Variants in AHCTF1 observed in about 807,000 individuals in gnomAD.
The protein encoded by AHCTF1 is protein ELYS.
A neutral mutation model predicts 248.4 loss-of-function variants in AHCTF1; 24 were observed. The ratio of observed to expected loss-of-function variants is 0.10; its 90% CI spans 0.07 to 0.14. AHCTF1 has a LOEUF of 0.14. Among genes scored for constraint, AHCTF1 ranks in the 10% least tolerant of loss-of-function variants. The probability of loss-of-function intolerance (pLI) is 1.00; values close to 1 mark genes in which losing one functional copy is unlikely to be tolerated. For missense variants in AHCTF1, 2,206 were observed against 2,636.2 expected (o/e 0.84, Z 3.57); for synonymous variants, 786 against 929.8 (o/e 0.85, Z 2.81).
intron 1 of AHCTF1, among the ~76,000 whole-genome samples, chr1:246,926,929 C>T (rs922658071): frequency 1.3e-5 from 2 of 152,134 alleles, no homozygotes; most frequent in Admixed American, 1.3e-4. Flanking sequence ...AATCCCAGCA[C>T]TTTGGGAGGC....
chr1:246,853,075 A>C lies in AHCTF1; in HGVS notation c.4563+16T>G. The C allele has an allele frequency of 1.3e-6, 2 of 1,595,426 alleles. No individual in the cohort carries two copies. Among genetic ancestry groups the C allele is most frequent in the Middle Eastern group, 1.7e-4 (1 of 5,980 alleles). ...CTGAAAGACTGATAAAGAAGTAAAA[A>C]ATTAATTTTTTTTACATGAATTTCT... is the stretch of plus-strand genomic sequence containing the variant. On this transcript the variant is annotated intron_variant, in intron 32 of 35. Coordinates refer to ENST00000648844, the MANE Select transcript of AHCTF1 (RefSeq NM_001323342.2).
rs773886776 is a variant in AHCTF1 at position 246,876,174 on chromosome 1, G to C, written c.2951C>G (p.Pro984Arg). Residue 984 changes from proline to arginine, a missense_variant, in exon 24 of 36, where the codon CCT becomes CGT. This residue lies in a region of AHCTF1 where 955 missense variants were observed against 1,055.6 expected (regional missense o/e 0.90). Coordinates refer to ENST00000648844, the MANE Select transcript of AHCTF1 (RefSeq NM_001323342.2). ...LKINVMNDRDPRLRERSLARN... is the reference protein window; with the variant it reads ...LKINVMNDRDRRLRERSLARN... The stretch of plus-strand genomic sequence containing the variant: ...AGCCAGTGATCTCTCCCGCAAACGA[G>C]GATCACGATCATTCTATTAAACATC... The C allele has an allele frequency of 1.1e-5, 18 of 1,593,276 alleles. No homozygotes were observed. Among genetic ancestry groups the C allele is most frequent in the Non-Finnish European group, 1.5e-5 (17 of 1,168,320 alleles).
At position 246,902,776 on chromosome 1, in the gene AHCTF1, A is replaced by C. The variant is rs151129973; in HGVS notation, c.967-101T>G. On this transcript the variant is annotated intron_variant, in intron 7 of 35. Transcript: ENST00000648844. ...TTTAAAGATTGTTCACACAATACAAAGAAAACAATTTAGACTGAAGAGAAC... is the reference window on the plus strand; with the variant it reads ...TTTAAAGATTGTTCACACAATACAACGAAAACAATTTAGACTGAAGAGAAC... 2.4e-4 allele frequency: 289 copies of C among 1,191,008 alleles called. 1 individual carries two copies. The African/African-American group carries it at 4.1e-3, about 17-fold the overall frequency. The allele number at this position is 1,191,008 out of a possible 1,614,324, so 73.8% of individuals were successfully genotyped here. A position where few individuals can be genotyped will look rare whatever the true frequency, so the allele number is the denominator to read the frequency against.
At chr1:246,885,850 G>C (rs1359996398) in intron 20 of AHCTF1, among the ~76,000 whole-genome samples, 170 bp from the exon 21 acceptor site, 1 of 152,146 alleles carries the variant, frequency 6.6e-6, no homozygotes, top group Non-Finnish European at 1.5e-5. Flanking sequence ...AGTATCTACA[G>C]GATCCATATC....
intron 26 of AHCTF1, chr1:246,865,328 G>A (rs1411575475): frequency 1.3e-5 from 2 of 152,090 alleles, no homozygotes. Context: ...TACCTTCCTT[G>A]TCATTCTATC....
chr1:246,899,117 C>CT (rs571885337), intron 11 of AHCTF1, among the ~76,000 whole-genome samples: 33 of 148,036 alleles, frequency 2.2e-4, no homozygotes, highest in Middle Eastern at 3.5e-3. Context: ...TTTCAAAATT[C>CT]TTTTTTTTTT....
At chr1:246,860,863 A>G (rs771762552) in intron 29 of AHCTF1, 36 bp downstream of exon 29, 2 of 1,581,834 alleles carry the variant, frequency 1.3e-6, no homozygotes, top group Non-Finnish European at 1.7e-6. Flanking sequence ...GAGGGACATT[A>G]ATAACAATTT....
chr1:246,867,901 C>G (rs368941568), intron 24 of AHCTF1, 90 bp from the exon 25 acceptor site: 3 of 313,838 alleles, frequency 9.6e-6, no homozygotes, highest in South Asian at 8.8e-5. Flanking sequence ...ACCCCCCCCC[C>G]CACACACACA....
In AHCTF1 at chr1:246,850,625, C is replaced by T. The variant is rs549550920; in HGVS notation, c.5381G>A (p.Arg1794Lys). 139 of 1,613,756 alleles carry T rather than the reference C, an allele frequency of 8.6e-5. No individual in the cohort carries two copies. The South Asian group carries it at 1.4e-3, about 17-fold the overall frequency. The change falls in exon 33 of 36, where the codon AGA (arginine) becomes AAA (lysine). Residue 1794 changes from arginine (R) to lysine (K), a missense_variant. Physicochemically the swap from Arg to Lys is conservative, Grantham distance 26. This residue lies in a region of AHCTF1 where 955 missense variants were observed against 1,055.6 expected (regional missense o/e 0.90). Coordinates refer to ENST00000648844, the MANE Select transcript of AHCTF1 (RefSeq NM_001323342.2). ...TATTTGCTGGTTCTGAGATAGTCCTCTGACATCAGAATAGATGTTTTCAGA... is the reference window on the plus strand; with the variant it reads ...TATTTGCTGGTTCTGAGATAGTCCTTTGACATCAGAATAGATGTTTTCAGA... ...EASENIYSDV[R>K]GLSQNQQIPQ...
chr1:246,918,268 G>A lies in AHCTF1; in HGVS notation c.103C>T (p.Arg35Cys), dbSNP rs1307075702. 4 of 1,607,190 alleles carry A rather than the reference G, an allele frequency of 2.5e-6. No homozygotes were observed. The highest frequency in any genetic ancestry group is 1.3e-5 in the African/African-American group (1 of 74,864). Reference sequence around the variant, plus strand: ...TGTTTACCTGCAGCAAACTTTCCACGAAGCACAGATTCTAATGTTATTTCG... The same window carrying A: ...TGTTTACCTGCAGCAAACTTTCCACAAAGCACAGATTCTAATGTTATTTCG... ...EDEITLESVL[R>C]GKFAAGKNGL... Residue 35 changes from arginine (R) to cysteine (C), a missense_variant, in exon 2 of 36, where the codon CGT becomes TGT. Coordinates refer to ENST00000648844, the MANE Select transcript of AHCTF1 (RefSeq NM_001323342.2).
intron 3 of AHCTF1, 141 bp downstream of exon 3, chr1:246,916,001 C>A (rs1572462386): frequency 1.0e-6 from 1 of 987,594 alleles, no homozygotes; most frequent in East Asian, 2.7e-5. Flanking sequence ...AACACTTTAC[C>A]TAAGAGTAAC....
At chr1:246,921,326 G>C (rs928722379) in intron 1 of AHCTF1, among the ~76,000 whole-genome samples, 6 of 152,154 alleles carry the variant, frequency 3.9e-5, no homozygotes, top group Non-Finnish European at 7.4e-5. Context: ...TCTTTCTCTA[G>C]AACTTGGTGC....
At chr1:246,882,474 T>C (rs971281349) in intron 21 of AHCTF1, among the ~76,000 whole-genome samples, 1 of 151,952 alleles carries the variant, frequency 6.6e-6, no homozygotes, top group African/African-American at 2.4e-5. Context: ...GTAATGAAAA[T>C]TTAAAGATAC....
At position 246,911,790 on chromosome 1, in the gene AHCTF1, TTAAGA is replaced by T. The variant is rs543694000; in HGVS notation, c.556+1437_556+1441del. On this transcript the variant is annotated intron_variant, in intron 4 of 35. Coordinates refer to ENST00000648844, the MANE Select transcript of AHCTF1 (RefSeq NM_001323342.2). ...TGAGCCACGGCGCCCAGCTCTTCTA[TTAAGA>T]TATTTTAAAGTGCATGTATGACCAT... Among the ~76,000 whole-genome samples, 537 of 152,294 alleles carry T rather than the reference TTAAGA, an allele frequency of 3.5e-3. 2 individuals carry two copies. The highest frequency in any genetic ancestry group is 0.012 in the African/African-American group (479 of 41,574).
rs1660637673 is a variant in AHCTF1, at chr1:246,850,659, A to C, written c.5347T>G (p.Ser1783Ala). 2 of 1,613,794 alleles carry C rather than the reference A, an allele frequency of 1.2e-6. No homozygotes were observed. Among genetic ancestry groups the C allele is most frequent in the Non-Finnish European group, 1.7e-6 (2 of 1,179,864 alleles). ...GAATAGATGTTTTCAGAAGCTTCAGAAATTTCTTTTGCCTTCCTAGTTTTC... is the reference window on the plus strand; with the variant it reads ...GAATAGATGTTTTCAGAAGCTTCAGCAATTTCTTTTGCCTTCCTAGTTTTC... Reference protein sequence around the residue: ...RKKTRKAKEISEASENIYSDV... With the variant: ...RKKTRKAKEIAEASENIYSDV... Residue 1783 changes from serine to alanine, a missense_variant, in exon 33 of 36, where the codon TCT becomes GCT. Around this residue, in one of 6 missense-constraint regions of AHCTF1, gnomAD observed 955 missense variants for 1,055.6 expected, o/e 0.90. Coordinates refer to ENST00000648844, the MANE Select transcript of AHCTF1 (RefSeq NM_001323342.2).
chr1:246,866,219 T>C (rs1558227831), intron 26 of AHCTF1, among the ~76,000 whole-genome samples: 2 of 152,152 alleles, frequency 1.3e-5, no homozygotes, highest in Admixed American at 6.5e-5. Context: ...AATACTTCTT[T>C]AAGGGCCTCA....
At chr1:246,901,742 CAGA>C (rs770611406) in intron 8 of AHCTF1, among the ~76,000 whole-genome samples, 3 of 152,142 alleles carry the variant, frequency 2.0e-5, no homozygotes, top group Non-Finnish European at 2.9e-5. Context: ...TGGTTGAGCC[CAGA>C]AGGTCAAGGC....
chr1:246,903,769 C>T (rs1431330742), intron 7 of AHCTF1, among the ~76,000 whole-genome samples, 180 bp downstream of exon 7: 5 of 145,656 alleles, frequency 3.4e-5, no homozygotes, highest in African/African-American at 7.7e-5. Flanking sequence ...ATCCGGGTGG[C>T]GGAGGTTGCA....
Position 246,898,276 on chromosome 1 carries a change from T to C in AHCTF1, c.1555A>G (p.Asn519Asp). ...SLNELIPDGY[N>D]RCLVAGLLSP... ...AGAAGGCCAGCTACAAGACATCGAT[T>C]ATAACCATCAGGAATGAGTTCATTG... The change falls in exon 12 of 36, where the codon AAT (asparagine) becomes GAT (aspartate). Residue 519 changes from asparagine to aspartate, a missense_variant. By Grantham distance (23) the Asn-to-Asp change is conservative (BLOSUM62 1). Around this residue, in one of 6 missense-constraint regions of AHCTF1, gnomAD observed 650 missense variants for 870.8 expected, o/e 0.75. Coordinates refer to ENST00000648844, the MANE Select transcript of AHCTF1 (RefSeq NM_001323342.2). 7 of 1,612,898 alleles carry C rather than the reference T, an allele frequency of 4.3e-6. No individual in the cohort carries two copies. The highest frequency in any genetic ancestry group is 2.2e-5 in the South Asian group (2 of 91,036).
Sources: gnomAD v4.1 joint callset for allele counts (sites outside exome capture counted in the v4.1 genomes callset) on GRCh38, gnomAD v4.1.1 for gene constraint, gnomAD v4.1.1 regional missense constraint, MANE v1.5 for transcripts, NCBI Gene and HGNC (gene_info 2026-07-23, HGNC 2026-07-21) for gene names.